The following AK5 variants were observed in gnomAD, a reference collection of about 807,000 sequenced individuals.
AK5 encodes the protein adenylate kinase isoenzyme 5.
In AK5, 27 loss-of-function variants were observed where a neutral mutation model predicts 69.5. That is an observed-to-expected ratio of 0.39 (90% confidence interval 0.29 to 0.54). The LOEUF is 0.54. Among genes scored for constraint, AK5 ranks in the 20% least tolerant of loss-of-function variants. The probability of loss-of-function intolerance (pLI) is 0.71; values close to 1 mark genes in which losing one functional copy is unlikely to be tolerated. For synonymous variants in AK5, 260 were observed against 244.4 expected (o/e 1.06, Z -0.60); for missense variants, 531 against 700.4 (o/e 0.76, Z 2.73).
intron 5 of AK5, chr1:77,313,686 C>T (rs1039715812): frequency 2.3e-6 from 1 of 433,070 alleles, no homozygotes; most frequent in Non-Finnish European, 4.7e-6. Context: ...AGTTATGGCC[C>T]TCTGCTGGCA....
chr1:77,488,762 T>C (rs1390662257), intron 10 of AK5, among the ~76,000 whole-genome samples: 1 of 152,186 alleles, frequency 6.6e-6, no homozygotes, highest in African/African-American at 2.4e-5. Flanking sequence ...TTATATTTGC[T>C]GGCAGCTGAT....
chr1:77,286,433 T>C (rs1217543387), intron 1 of AK5, among the ~76,000 whole-genome samples: 2 of 150,998 alleles, frequency 1.3e-5, no homozygotes, highest in Non-Finnish European at 2.9e-5. Flanking sequence ...GGCAAGAATT[T>C]AAGGGATTAT....
At position 77,518,613 on chromosome 1, in the gene AK5, A is replaced by G. The variant is rs1657801745; in HGVS notation, c.1197A>G (p.Lys399=). Residue 399 remains lysine (K), a synonymous_variant, in exon 11 of 14, where the codon AAA becomes AAG. Coordinates refer to ENST00000354567, the MANE Select transcript of AK5 (RefSeq NM_174858.3). The part of the protein sequence containing the change: ...KGTQCEKLVE[K]YGFTHLSTGE... ...CACAGTGTGAAAAGCTGGTGGAAAA[A>G]TATGGATTTACACATCTCTCAACTG... The G allele has an allele frequency of 6.2e-7, 1 of 1,614,048 alleles. No homozygotes were observed. Among genetic ancestry groups the G allele is most frequent in the Non-Finnish European group, 8.5e-7 (1 of 1,180,034 alleles).
intron 6 of AK5, among the ~76,000 whole-genome samples, chr1:77,387,339 A>G (rs1236737252): frequency 6.6e-6 from 1 of 152,206 alleles, no homozygotes; most frequent in Non-Finnish European, 1.5e-5. Flanking sequence ...AATGTTAAAG[A>G]TACAAAAACT....
intron 10 of AK5, among the ~76,000 whole-genome samples, chr1:77,493,771 A>T (rs1450520200): frequency 6.6e-6 from 1 of 152,214 alleles, no homozygotes; most frequent in Non-Finnish European, 1.5e-5. Context: ...GAGTAAAGAA[A>T]AAGAGACATT....
At chr1:77,372,887 A>G (rs1243734220) in intron 6 of AK5, among the ~76,000 whole-genome samples, 2 of 152,214 alleles carry the variant, frequency 1.3e-5, no homozygotes, top group South Asian at 2.1e-4. Flanking sequence ...CAAATCCCAC[A>G]TAAACACCAC....
At chr1:77,305,204 G>A (rs545927842) in intron 5 of AK5, among the ~76,000 whole-genome samples, 29 of 152,024 alleles carry the variant, frequency 1.9e-4, no homozygotes, top group Admixed American at 3.9e-4. Context: ...AGTTGTTTGC[G>A]CTCCTTGTAT....
At chr1:77,322,734 C>G (rs901855468) in intron 5 of AK5, among the ~76,000 whole-genome samples, 3 of 152,024 alleles carry the variant, frequency 2.0e-5, no homozygotes, top group African/African-American at 7.2e-5. Flanking sequence ...CTCCAGTGCT[C>G]TCTCCACCCA....
At chr1:77,411,916 A>G (rs527270678) in intron 7 of AK5, among the ~76,000 whole-genome samples, 1 of 152,246 alleles carries the variant, frequency 6.6e-6, no homozygotes, top group Non-Finnish European at 1.5e-5. Context: ...ATGTAAACTC[A>G]TCTGCCTAAC....
chr1:77,367,572 T>TGTA (rs1557532663), intron 6 of AK5, among the ~76,000 whole-genome samples: 2 of 3,752 alleles, frequency 5.3e-4, no homozygotes, highest in African/African-American at 7.1e-4. Context: ...TATATATATA[T>TGTA]ATATATAATA....
intron 6 of AK5, among the ~76,000 whole-genome samples, chr1:77,346,660 C>T (rs568282266): frequency 6.6e-6 from 1 of 152,232 alleles, no homozygotes; most frequent in African/African-American, 2.4e-5. Flanking sequence ...CCATGCCCAC[C>T]TAATTTTTCG....
intron 6 of AK5, among the ~76,000 whole-genome samples, chr1:77,357,640 G>A (rs982195778): frequency 3.3e-5 from 5 of 152,108 alleles, no homozygotes; most frequent in African/African-American, 1.2e-4. Context: ...TATATCTAAG[G>A]TATATCTATT....
At chr1:77,331,522 C>G (rs1661086115) in intron 5 of AK5, among the ~76,000 whole-genome samples, 1 of 152,072 alleles carries the variant, frequency 6.6e-6, no homozygotes, top group African/African-American at 2.4e-5. Flanking sequence ...AACTACAGTG[C>G]TTGGTTTTTG....
intron 6 of AK5, among the ~76,000 whole-genome samples, chr1:77,385,271 T>A (rs1647937252): frequency 6.6e-6 from 1 of 152,158 alleles, no homozygotes; most frequent in Non-Finnish European, 1.5e-5. Context: ...GCCATTCTCC[T>A]GCCTCAGCCT....
intron 5 of AK5, among the ~76,000 whole-genome samples, chr1:77,306,371 T>G (rs1478609970): frequency 6.6e-6 from 1 of 152,212 alleles, no homozygotes; most frequent in African/African-American, 2.4e-5. Flanking sequence ...ATTCATATGA[T>G]GTATCATGTT....
chr1:77,559,207 C>G lies in AK5; in HGVS notation c.*537C>G, dbSNP rs1408484071. ...CATAAGGTGGGTTGATTACACAATG[C>G]CTTGTACATGATATAGAGGCATCAA... On this transcript the variant is annotated 3_prime_UTR_variant, in exon 14 of 14. Coordinates refer to ENST00000354567, the MANE Select transcript of AK5 (RefSeq NM_174858.3). The G allele has an allele frequency of 6.6e-6, 1 of 152,274 alleles. No homozygotes were observed. The highest frequency in any genetic ancestry group is 2.4e-5 in the African/African-American group (1 of 41,422). The allele number at this position is 152,274 out of a possible 1,614,324, so 9.4% of individuals were successfully genotyped here. A position where few individuals can be genotyped will look rare whatever the true frequency, so the allele number is the denominator to read the frequency against.
At chr1:77,351,256 A>G (rs773795930) in intron 6 of AK5, among the ~76,000 whole-genome samples, 10 of 152,046 alleles carry the variant, frequency 6.6e-5, no homozygotes, top group Non-Finnish European at 1.0e-4. Context: ...TTAGTTGGGC[A>G]TGGTGGTGCA....
chr1:77,461,740 A>C (rs1164570550), intron 8 of AK5, among the ~76,000 whole-genome samples: 1 of 151,946 alleles, frequency 6.6e-6, no homozygotes, highest in East Asian at 1.9e-4. Flanking sequence ...ATTCCACTCC[A>C]ACCTGGGCAA....
chr1:77,386,352 G>C (rs1648027212), intron 6 of AK5, among the ~76,000 whole-genome samples: 2 of 152,152 alleles, frequency 1.3e-5, no homozygotes, highest in South Asian at 4.2e-4. Context: ...CTTAAGGGTG[G>C]AGATGATGTA....
Sources: gnomAD v4.1 joint callset for allele counts (sites outside exome capture counted in the v4.1 genomes callset) on GRCh38, gnomAD v4.1.1 for gene constraint, MANE v1.5 for transcripts, NCBI Gene and HGNC (gene_info 2026-07-23, HGNC 2026-07-21) for gene names.